The following GABRB2 variants were observed in gnomAD, a reference collection of about 807,000 sequenced individuals.
The protein encoded by GABRB2 is gamma-aminobutyric acid receptor subunit beta-2.
Under a neutral mutation model 54.7 loss-of-function variants are expected in GABRB2, and 16 were observed. The ratio of observed to expected loss-of-function variants is 0.29; its 90% confidence interval spans 0.20 to 0.44. GABRB2 has a LOEUF of 0.44. GABRB2 is among the 20% of genes least tolerant of loss of function. The probability of loss-of-function intolerance (pLI) is 1.00; values close to 1 mark genes in which losing one functional copy is unlikely to be tolerated. For missense variants in GABRB2, 355 were observed against 644.0 expected, an observed-to-expected ratio of 0.55 and a Z score of 4.86; for synonymous variants, 244 against 233.8, an observed-to-expected ratio of 1.04 and a Z score of -0.40.
chr5:161,546,800 T>C (rs1251496146), upstream of GABRB2: 7 of 1,389,044 alleles, frequency 5.0e-6, no homozygotes, highest in Non-Finnish European at 6.5e-6. Flanking sequence ...GATTTCCTTG[T>C]TTAAAAAAAA....
At position 161,546,688 on chromosome 5, in the gene GABRB2, G is replaced by T. The variant is rs1446888361; in HGVS notation, c.-45C>A. 6.4e-7 allele frequency: 1 copy of T among 1,557,710 alleles called. No homozygotes were observed. The highest frequency in any genetic ancestry group is 2.4e-5 in the East Asian group (1 of 42,064). ...ATTGAGGGTTTCACTGAAGAGAGGAGATCCAACTTAGTCTGCCCAGTGCAG... is the reference window on the plus strand; with the variant it reads ...ATTGAGGGTTTCACTGAAGAGAGGATATCCAACTTAGTCTGCCCAGTGCAG... On this transcript the variant is annotated 5_prime_UTR_variant, in exon 1 of 10. Coordinates refer to ENST00000393959, the MANE Select transcript of GABRB2 (RefSeq NM_001371727.1).
chr5:161,531,659 A>AATAT, intron 3 of GABRB2, among the ~76,000 whole-genome samples: 1 of 152,090 alleles, frequency 6.6e-6, no homozygotes, highest in Non-Finnish European at 1.5e-5. Flanking sequence ...ATCTCCCAGT[A>AATAT]GCAGACTAAT....
chr5:161,488,782 C>T (rs921425271), intron 3 of GABRB2, among the ~76,000 whole-genome samples: 2 of 151,632 alleles, frequency 1.3e-5, no homozygotes, highest in African/African-American at 4.8e-5. Flanking sequence ...TTATGTGGTT[C>T]CTTTCTGAGA....
intron 3 of GABRB2, among the ~76,000 whole-genome samples, chr5:161,491,576 A>G (rs1759093487): frequency 6.6e-6 from 1 of 151,624 alleles, no homozygotes; most frequent in Non-Finnish European, 1.5e-5. Context: ...GGCCCCATCA[A>G]TACTGCAATG....
At chr5:161,530,433 AC>A (rs1192600806) in intron 3 of GABRB2, among the ~76,000 whole-genome samples, 1 of 152,148 alleles carries the variant, frequency 6.6e-6, no homozygotes, top group Non-Finnish European at 1.5e-5. Context: ...CATTAAATAG[AC>A]AGGAAGAGGT....
At chr5:161,472,721 G>A (rs1463199760) in intron 3 of GABRB2, among the ~76,000 whole-genome samples, 1 of 151,756 alleles carries the variant, frequency 6.6e-6, no homozygotes, top group Non-Finnish European at 1.5e-5. Flanking sequence ...GTAATTAGAG[G>A]GATGTACGGT....
intron 5 of GABRB2, among the ~76,000 whole-genome samples, chr5:161,404,583 A>C (rs1195092580): frequency 6.6e-6 from 1 of 152,080 alleles, no homozygotes; most frequent in Non-Finnish European, 1.5e-5. Flanking sequence ...ATTATTCAGA[A>C]AGACAGAAAA....
intron 5 of GABRB2, among the ~76,000 whole-genome samples, chr5:161,402,388 G>A (rs984154881): frequency 6.6e-6 from 1 of 152,074 alleles, no homozygotes; most frequent in Non-Finnish European, 1.5e-5. Flanking sequence ...AAAAAGGTGA[G>A]TTCCAGTTTA....
intron 3 of GABRB2, among the ~76,000 whole-genome samples, chr5:161,483,365 G>A (rs1296404393): frequency 2.0e-5 from 3 of 151,882 alleles, no homozygotes; most frequent in African/African-American, 7.2e-5. Context: ...AGAACAACAC[G>A]TGATTGCCTC....
chr5:161,418,360 G>A (rs957395702), intron 4 of GABRB2, among the ~76,000 whole-genome samples: 2 of 152,068 alleles, frequency 1.3e-5, no homozygotes, highest in Non-Finnish European at 2.9e-5. Context: ...TATCTCAGAG[G>A]TGAGAATATA....
chr5:161,510,609 G>A (rs1175335935), intron 3 of GABRB2, among the ~76,000 whole-genome samples: 1 of 151,866 alleles, frequency 6.6e-6, no homozygotes, highest in African/African-American at 2.4e-5. Context: ...TTTTCACTAT[G>A]GCCTTGAGGA....
intron 5 of GABRB2, among the ~76,000 whole-genome samples, chr5:161,409,717 A>C (rs1244129222): frequency 6.6e-6 from 1 of 152,202 alleles, no homozygotes; most frequent in Admixed American, 6.6e-5. Flanking sequence ...ATGTGAAATT[A>C]CAAAAGAATT....
intron 5 of GABRB2, among the ~76,000 whole-genome samples, chr5:161,397,998 A>G (rs1477567270): frequency 6.7e-6 from 1 of 149,856 alleles, no homozygotes; most frequent in Non-Finnish European, 1.5e-5. Flanking sequence ...TAATTGATAG[A>G]CAGAGGTAGA....
intron 4 of GABRB2, among the ~76,000 whole-genome samples, chr5:161,457,536 C>T (rs1279156479): frequency 6.6e-6 from 1 of 151,440 alleles, no homozygotes; most frequent in East Asian, 2.0e-4. Context: ...AGCTCCGCCT[C>T]CCAGGTTCAC....
At chr5:161,424,108 A>G (rs1243236046) in intron 4 of GABRB2, among the ~76,000 whole-genome samples, 1 of 152,140 alleles carries the variant, frequency 6.6e-6, no homozygotes, top group African/African-American at 2.4e-5. Flanking sequence ...TGGTTCATGA[A>G]GTTTAAGGAA....
chr5:161,459,247 C>T (rs1158731642), intron 4 of GABRB2: 4 of 234,850 alleles, frequency 1.7e-5, no homozygotes, highest in Admixed American at 5.2e-5. Flanking sequence ...CCCGTTGAGG[C>T]AGCTCAGAAG....
At chr5:161,362,084 G>A (rs142215586) in intron 5 of GABRB2, among the ~76,000 whole-genome samples, 2,616 of 152,256 alleles carry the variant, frequency 0.017, 34 homozygotes, top group Middle Eastern at 0.082. Flanking sequence ...TCAGATGACT[G>A]TAGATGTGTG....
chr5:161,360,592 A>C (rs1754780862), intron 5 of GABRB2, among the ~76,000 whole-genome samples: 1 of 152,154 alleles, frequency 6.6e-6, no homozygotes, highest in Admixed American at 6.5e-5. Flanking sequence ...CAGGGTAATA[A>C]AATCTTTGAA....
At chr5:161,524,020 A>G (rs940490197) in intron 3 of GABRB2, among the ~76,000 whole-genome samples, 2 of 151,338 alleles carry the variant, frequency 1.3e-5, no homozygotes, top group Non-Finnish European at 3.0e-5. Flanking sequence ...TTATCTAACC[A>G]CCACTAGTCA....
Sources: gnomAD v4.1 joint callset for allele counts (sites outside exome capture counted in the v4.1 genomes callset) on GRCh38, gnomAD v4.1.1 for gene constraint, MANE v1.5 for transcripts, NCBI Gene and HGNC (gene_info 2026-07-23, HGNC 2026-07-21) for gene names.